Variants in BABAM2 observed in about 807,000 individuals in gnomAD.
BABAM2 encodes the protein BRISC and BRCA1-A complex member 2.
Under a neutral mutation model 54.7 loss-of-function variants are expected in BABAM2, and 31 were observed. The observed-to-expected ratio is 0.57, with a 90% CI of 0.43 to 0.77. The LOEUF (loss-of-function observed/expected upper bound fraction) is 0.77. Among genes scored for constraint, BABAM2 ranks in the 30% least tolerant of loss-of-function variants. BABAM2 has a pLI of 0.00. For missense variants in BABAM2, 364 were observed against 455.8 expected, an observed-to-expected ratio of 0.80 and a Z score of 1.83; for synonymous variants, 167 against 162.9, an observed-to-expected ratio of 1.03 and a Z score of -0.19.
At chr2:27,953,473 G>A (rs1475824122) in intron 3 of BABAM2, among the ~76,000 whole-genome samples, 2 of 151,850 alleles carry the variant, frequency 1.3e-5, no homozygotes, top group African/African-American at 2.4e-5. Context: ...ATGAACCACC[G>A]TAGTGACAGA....
At chr2:27,975,097 A>G (rs1218799283) in intron 3 of BABAM2, among the ~76,000 whole-genome samples, 1 of 152,084 alleles carries the variant, frequency 6.6e-6, no homozygotes, top group African/African-American at 2.4e-5. Context: ...GATATATAAT[A>G]TATTCAAGGA....
intron 10 of BABAM2, among the ~76,000 whole-genome samples, chr2:28,265,812 T>G (rs2148146714): frequency 6.6e-6 from 1 of 152,284 alleles, no homozygotes; most frequent in East Asian, 1.9e-4. Flanking sequence ...TTAATTTTAT[T>G]GTTTGAATCT....
In BABAM2 at chr2:28,010,344, T is replaced by G. The variant is rs531151695; in HGVS notation, c.301-14882T>G. Reference sequence around the variant, plus strand: ...CTTTTCCTTATTATTTATTTTTTCCTTAAGAAAAATCATTATAATCATCAT... The same window carrying G: ...CTTTTCCTTATTATTTATTTTTTCCGTAAGAAAAATCATTATAATCATCAT... On this transcript the variant is annotated intron_variant, in intron 4 of 11. Transcript: ENST00000379624. Among the ~76,000 whole-genome samples, 385 of 152,258 alleles carry G rather than the reference T, an allele frequency of 2.5e-3. 1 individual carries two copies. Among genetic ancestry groups the G allele is most frequent in the African/African-American group, 8.8e-3 (364 of 41,556 alleles).
At chr2:28,073,000 C>T (rs1472791134) in intron 6 of BABAM2, among the ~76,000 whole-genome samples, 1 of 152,142 alleles carries the variant, frequency 6.6e-6, no homozygotes, top group Non-Finnish European at 1.5e-5. Context: ...TACTTTAGCT[C>T]CTGTTCAGTT....
At chr2:27,999,226 A>T (rs1673394900) in intron 4 of BABAM2, among the ~76,000 whole-genome samples, 1 of 151,932 alleles carries the variant, frequency 6.6e-6, no homozygotes, top group Non-Finnish European at 1.5e-5. Flanking sequence ...GTGCCACATT[A>T]ATGATACAAG....
intron 10 of BABAM2, among the ~76,000 whole-genome samples, chr2:28,275,778 A>G (rs1420653636): frequency 6.6e-6 from 1 of 152,216 alleles, no homozygotes; most frequent in Non-Finnish European, 1.5e-5. Flanking sequence ...CAGAGAGGAC[A>G]GCTTACGCAT....
chr2:27,916,608 G>A (rs1666989265), intron 2 of BABAM2, among the ~76,000 whole-genome samples: 1 of 152,190 alleles, frequency 6.6e-6, no homozygotes. Flanking sequence ...GAGGGATCCA[G>A]GGTTTAATGC....
intron 3 of BABAM2, among the ~76,000 whole-genome samples, chr2:27,943,961 G>C (rs568519197): frequency 6.6e-6 from 1 of 151,820 alleles, no homozygotes; most frequent in African/African-American, 2.4e-5. Context: ...TTATTTTCTT[G>C]GAATTCATGG....
At chr2:28,134,992 TC>T (rs1380737276) in intron 7 of BABAM2, among the ~76,000 whole-genome samples, 1 of 152,240 alleles carries the variant, frequency 6.6e-6, no homozygotes, top group African/African-American at 2.4e-5. Flanking sequence ...CATTTCATCT[TC>T]TGTGAAGAGG....
At chr2:28,057,455 G>A (rs1678519420) in intron 6 of BABAM2, among the ~76,000 whole-genome samples, 1 of 152,140 alleles carries the variant, frequency 6.6e-6, no homozygotes, top group South Asian at 2.1e-4. Context: ...AGCACAGTGA[G>A]ACTAACAGGA....
At chr2:27,951,529 G>T (rs1330688798) in intron 3 of BABAM2, among the ~76,000 whole-genome samples, 1 of 151,956 alleles carries the variant, frequency 6.6e-6, no homozygotes, top group African/African-American at 2.4e-5. Flanking sequence ...TTGTTTTATG[G>T]CCCAGGATAT....
intron 4 of BABAM2, among the ~76,000 whole-genome samples, chr2:28,006,935 C>T (rs1325955668): frequency 1.3e-5 from 2 of 151,886 alleles, no homozygotes; most frequent in East Asian, 3.9e-4. Context: ...TATTCAGACT[C>T]ATAAAAATAT....
At chr2:27,912,477 T>G (rs1180697220) in intron 2 of BABAM2, among the ~76,000 whole-genome samples, 4 of 152,200 alleles carry the variant, frequency 2.6e-5, no homozygotes, top group African/African-American at 9.6e-5. Flanking sequence ...TATATCTATC[T>G]TTGTATGTAT....
chr2:27,992,161 A>T (rs963150283), intron 4 of BABAM2, among the ~76,000 whole-genome samples: 1 of 152,108 alleles, frequency 6.6e-6, no homozygotes, highest in Admixed American at 6.5e-5. Context: ...TCATGTGCCT[A>T]TTGGCTATTT....
chr2:28,051,905 C>T (rs1307181014), intron 6 of BABAM2, among the ~76,000 whole-genome samples: 2 of 152,148 alleles, frequency 1.3e-5, no homozygotes, highest in Non-Finnish European at 2.9e-5. Flanking sequence ...CCACCTTGGC[C>T]TCCCAAGGTT....
intron 10 of BABAM2, among the ~76,000 whole-genome samples, chr2:28,285,107 A>T (rs894307741): frequency 1.3e-5 from 2 of 152,122 alleles, no homozygotes; most frequent in Admixed American, 6.5e-5. Context: ...CATCCCTCCC[A>T]TCCTTAGTTC....
At chr2:28,225,341 G>C (rs111700108) in intron 7 of BABAM2, among the ~76,000 whole-genome samples, 2,340 of 152,290 alleles carry the variant, frequency 0.015, 68 homozygotes, top group African/African-American at 0.053. Flanking sequence ...GCATCAGACT[G>C]AACACGGTTA....
chr2:28,062,748 C>T (rs1178162229), intron 6 of BABAM2, among the ~76,000 whole-genome samples: 2 of 152,180 alleles, frequency 1.3e-5, no homozygotes, highest in African/African-American at 4.8e-5. Context: ...AAGCTTCCAG[C>T]ATCTAGGGCT....
At chr2:28,172,612 C>T (rs988847929) in intron 7 of BABAM2, among the ~76,000 whole-genome samples, 23 of 152,240 alleles carry the variant, frequency 1.5e-4, no homozygotes, top group African/African-American at 3.9e-4. Context: ...CTTGTCTCAG[C>T]GAGGTGTGGC....
Sources: allele counts gnomAD v4.1 joint callset (sites outside exome capture counted in the v4.1 genomes callset), GRCh38; gene constraint gnomAD v4.1.1; transcripts MANE v1.5; gene names NCBI Gene and HGNC (gene_info 2026-07-23, HGNC 2026-07-21).